INSL6: variants seen among roughly 807,000 people sequenced by gnomAD.
The protein encoded by INSL6 is insulin-like peptide INSL6.
A neutral mutation model predicts 9.4 loss-of-function variants in INSL6; 16 were observed. The observed-to-expected ratio is 1.70, with a 90% CI of 1.15 to 2.59. INSL6 has a LOEUF of 2.59. INSL6 is among the 30% of genes most tolerant of loss of function. The probability of loss-of-function intolerance (pLI) is 0.00; values close to 1 mark genes in which losing one functional copy is unlikely to be tolerated. For missense variants in INSL6, 391 were observed against 257.3 expected (o/e 1.52, Z -3.56); for synonymous variants, 154 against 96.9 (o/e 1.59, Z -3.46).
At chr9:5,159,954 C>A (rs1168362922), downstream of INSL6, among the ~76,000 whole-genome samples, 1 of 152,176 alleles carries the variant, frequency 6.6e-6, no homozygotes, top group Non-Finnish European at 1.5e-5. Flanking sequence ...GCGGGTGGAT[C>A]ACCTGAGGTC....
intron 1 of INSL6, 46 bp from the exon 2 acceptor site, chr9:5,164,311 T>C: frequency 8.0e-7 from 1 of 1,255,022 alleles, no homozygotes; most frequent in Non-Finnish European, 1.1e-6. Context: ...AAAATCTTCC[T>C]TTAGATGAAA....
At chr9:5,006,256 A>G in the INSL6 span, among the ~76,000 whole-genome samples, 95 of 152,268 alleles carry the variant, frequency 6.2e-4, no homozygotes, top group East Asian at 2.3e-3. Flanking sequence ...CTTTGAAGCA[A>G]TTGTGAACGG....
chr9:5,037,944 AAC>A, the INSL6 span, among the ~76,000 whole-genome samples: 1 of 152,344 alleles, frequency 6.6e-6, no homozygotes, highest in African/African-American at 2.4e-5. Flanking sequence ...TGAAATTTAA[AAC>A]AGTGTATCCA....
the INSL6 span, chr9:5,099,038 C>G: frequency 6.6e-6 from 1 of 152,086 alleles, no homozygotes; most frequent in Non-Finnish European, 1.5e-5. Context: ...GACTTAAAAC[C>G]AGGAGAACTT....
chr9:5,080,892 CTTT>C, the INSL6 span, among the ~76,000 whole-genome samples: 153 of 95,558 alleles, frequency 1.6e-3, no homozygotes, highest in Middle Eastern at 6.1e-3. Flanking sequence ...AAGACCTTTT[CTTT>C]TTTTTTTTTT....
chr9:5,024,687 GC>G, the INSL6 span, among the ~76,000 whole-genome samples: 1 of 152,088 alleles, frequency 6.6e-6, no homozygotes, highest in Non-Finnish European at 1.5e-5. Flanking sequence ...TTAGACCTCT[GC>G]CCCAGATAGC....
the INSL6 span, among the ~76,000 whole-genome samples, chr9:5,115,639 T>C: frequency 2.0e-5 from 3 of 152,206 alleles, no homozygotes; most frequent in Non-Finnish European, 4.4e-5. Flanking sequence ...CTTTTCACAA[T>C]AGCAAAGACT....
chr9:5,034,156 A>G, the INSL6 span, among the ~76,000 whole-genome samples: 1 of 152,346 alleles, frequency 6.6e-6, no homozygotes, highest in Admixed American at 6.5e-5. Flanking sequence ...GCCATTACAT[A>G]ATGGTAAAGG....
At chr9:5,158,597 G>A (rs1383654431) in intron 2 of INSL6, among the ~76,000 whole-genome samples, 3 of 151,370 alleles carry the variant, frequency 2.0e-5, no homozygotes, top group Non-Finnish European at 3.0e-5. Flanking sequence ...AGTGTTAAAG[G>A]AAAAAAAATC....
chr9:5,068,937 T>G, the INSL6 span: 1 of 754,116 alleles, frequency 1.3e-6, no homozygotes, highest in East Asian at 2.7e-5. Flanking sequence ...CTGTTGCTTG[T>G]TCTTGTGATA....
chr9:5,005,547 T>C, the INSL6 span, among the ~76,000 whole-genome samples: 2 of 152,200 alleles, frequency 1.3e-5, no homozygotes, highest in Non-Finnish European at 2.9e-5. Flanking sequence ...TAAAGTGTTA[T>C]TGGATTTAAT....
the INSL6 span, among the ~76,000 whole-genome samples, chr9:5,062,141 A>T: frequency 6.6e-6 from 1 of 152,100 alleles, no homozygotes; most frequent in Admixed American, 6.6e-5. Context: ...ATTTTTTTTC[A>T]GCCAAACATG....
At chr9:5,168,989 C>T (rs1020133556) in intron 1 of INSL6, among the ~76,000 whole-genome samples, 81 of 151,216 alleles carry the variant, frequency 5.4e-4, no homozygotes, top group African/African-American at 1.8e-3. Context: ...ACAATGGCAT[C>T]ATCTCGGCTC....
At chr9:5,039,351 C>T in the INSL6 span, among the ~76,000 whole-genome samples, 28 of 152,040 alleles carry the variant, frequency 1.8e-4, no homozygotes, top group South Asian at 1.7e-3. Flanking sequence ...CTAAAGAATA[C>T]GGTATAACAA....
At chr9:5,183,103 A>G (rs1441413618) in intron 1 of INSL6, among the ~76,000 whole-genome samples, 1 of 152,244 alleles carries the variant, frequency 6.6e-6, no homozygotes, top group African/African-American at 2.4e-5. Flanking sequence ...ATATTCATAT[A>G]TAAAAATGAT....
chr9:5,132,305 T>C (rs1344249673), intron 3 of INSL6, among the ~76,000 whole-genome samples: 2 of 152,182 alleles, frequency 1.3e-5, no homozygotes, highest in East Asian at 3.8e-4. Context: ...AACATGGTGC[T>C]AGGAAAAAAG....
At chr9:5,000,856 G>T in the INSL6 span, among the ~76,000 whole-genome samples, 1,617 of 152,260 alleles carry the variant, frequency 0.011, 30 homozygotes, top group African/African-American at 0.038. Context: ...ACTTGATAAC[G>T]TATTGGTTGG....
chr9:5,066,635 G>T, the INSL6 span: 2 of 1,045,856 alleles, frequency 1.9e-6, no homozygotes, highest in South Asian at 1.3e-5. Flanking sequence ...ATAATATTAT[G>T]GTGCTTGATA....
chr9:5,021,236 CT>C, the INSL6 span, among the ~76,000 whole-genome samples: 1 of 152,180 alleles, frequency 6.6e-6, no homozygotes, highest in Non-Finnish European at 1.5e-5. Flanking sequence ...CGTGTTCTCT[CT>C]TAGATGACCT....
Sources: allele counts gnomAD v4.1 joint callset (sites outside exome capture counted in the v4.1 genomes callset), GRCh38; gene constraint gnomAD v4.1.1; transcripts MANE v1.5; gene names NCBI Gene and HGNC (gene_info 2026-07-23, HGNC 2026-07-21).